Variants in DGKI observed in about 807,000 individuals in gnomAD.
The protein encoded by DGKI is diacylglycerol kinase iota.
DGKI carries 55 observed loss-of-function variants against 147.5 expected under a neutral mutation model. That is an observed-to-expected ratio of 0.37 (90% CI 0.30 to 0.47). The LOEUF (loss-of-function observed/expected upper bound fraction) is 0.47, where lower values mean the gene tolerates loss of function less well. Among genes scored for constraint, DGKI ranks in the 20% least tolerant of loss-of-function variants. The probability of loss-of-function intolerance (pLI) is 1.00; values close to 1 mark genes in which losing one functional copy is unlikely to be tolerated. For missense variants in DGKI, 1,007 were observed against 1,323.8 expected, an observed-to-expected ratio of 0.76 and a Z score of 3.71; for synonymous variants, 469 against 477.1, an observed-to-expected ratio of 0.98 and a Z score of 0.22.
intron 20 of DGKI, among the ~76,000 whole-genome samples, chr7:137,532,926 T>G (rs1817390308): frequency 6.6e-6 from 1 of 152,156 alleles, no homozygotes; most frequent in Admixed American, 6.6e-5. Flanking sequence ...TAACAATTAT[T>G]CATCAACAAA....
At chr7:137,585,617 C>G (rs957785048) in intron 13 of DGKI, among the ~76,000 whole-genome samples, 25 of 152,268 alleles carry the variant, frequency 1.6e-4, no homozygotes, top group African/African-American at 5.5e-4. Context: ...AAGGGTCATA[C>G]TGGAGGCTGG....
rs1811197005 is a variant in DGKI, at chr7:137,387,073, A to AC, written c.*4146dup. 6.6e-6 allele frequency: 1 copy of AC among 152,008 alleles called. No individual in the cohort carries two copies. Among genetic ancestry groups the AC allele is most frequent in the African/African-American group, 2.4e-5 (1 of 41,370 alleles). The allele number at this position is 152,008 out of a possible 1,614,324, so 9.4% of individuals were successfully genotyped here. On this transcript the variant is annotated 3_prime_UTR_variant, in exon 33 of 33. Transcript: ENST00000614521. Reference sequence around the variant, plus strand: ...TCTGGAAGGAAGACAAGCTGCTCAGACCCCCATACTACACTGAAGTTACAC... The same window carrying AC: ...TCTGGAAGGAAGACAAGCTGCTCAGACCCCCCATACTACACTGAAGTTACAC...
At chr7:137,482,954 C>T (rs940516587) in intron 23 of DGKI, among the ~76,000 whole-genome samples, 2 of 152,068 alleles carry the variant, frequency 1.3e-5, no homozygotes, top group African/African-American at 4.8e-5. Flanking sequence ...CCTAGATGTT[C>T]AGCACACAAA....
chr7:137,559,096 G>T (rs1818325904), intron 19 of DGKI, among the ~76,000 whole-genome samples: 1 of 108,568 alleles, frequency 9.2e-6, no homozygotes, highest in African/African-American at 4.4e-5. Flanking sequence ...TTTTGAGACG[G>T]AGTCTCGCTC....
chr7:137,791,003 C>G (rs899199624), intron 1 of DGKI, among the ~76,000 whole-genome samples: 1 of 152,108 alleles, frequency 6.6e-6, no homozygotes, highest in African/African-American at 2.4e-5. Context: ...TGAAAAACTG[C>G]TGTAGAAGGA....
chr7:137,682,112 G>C (rs1225602379), intron 2 of DGKI, among the ~76,000 whole-genome samples: 1 of 152,168 alleles, frequency 6.6e-6, no homozygotes, highest in Non-Finnish European at 1.5e-5. Context: ...GGAGTTCTAT[G>C]AGTGTTTCTA....
intron 1 of DGKI, among the ~76,000 whole-genome samples, chr7:137,731,495 T>C (rs1794882489): frequency 6.6e-6 from 1 of 152,086 alleles, no homozygotes; most frequent in South Asian, 2.1e-4. Flanking sequence ...TACGGCATCA[T>C]CGTCATCTTC....
intron 6 of DGKI, among the ~76,000 whole-genome samples, chr7:137,643,605 T>C (rs1483525964): frequency 6.6e-6 from 1 of 152,186 alleles, no homozygotes; most frequent in Non-Finnish European, 1.5e-5. Context: ...TGTGACAAGC[T>C]GGATCACTGA....
chr7:137,844,832 G>A (rs6978230), intron 1 of DGKI, among the ~76,000 whole-genome samples: 36,652 of 152,140 alleles, frequency 0.24, 10,894 homozygotes, highest in African/African-American at 0.71. Flanking sequence ...TTCCTACCCA[G>A]TGAGGACTCT....
intron 27 of DGKI, among the ~76,000 whole-genome samples, chr7:137,459,598 C>T (rs970149864): frequency 6.6e-6 from 1 of 151,498 alleles, no homozygotes; most frequent in Non-Finnish European, 1.5e-5. Flanking sequence ...CCTCAGCCTC[C>T]CGAGTAGCTG....
intron 27 of DGKI, among the ~76,000 whole-genome samples, chr7:137,450,316 T>C (rs557732353): frequency 2.6e-5 from 4 of 152,366 alleles, no homozygotes; most frequent in Admixed American, 2.6e-4. Context: ...TAACTATGCA[T>C]GGTAATGCAT....
chr7:137,525,995 C>G (rs1408992007), intron 20 of DGKI, among the ~76,000 whole-genome samples: 1 of 151,180 alleles, frequency 6.6e-6, no homozygotes, highest in African/African-American at 2.4e-5. Flanking sequence ...AAACAGACAG[C>G]TAGAACATGG....
chr7:137,741,000 G>A (rs753315041), intron 1 of DGKI, among the ~76,000 whole-genome samples: 1 of 152,048 alleles, frequency 6.6e-6, no homozygotes, highest in African/African-American at 2.4e-5. Flanking sequence ...TAAAAAGGGT[G>A]GCTAAGTCTT....
intron 27 of DGKI, among the ~76,000 whole-genome samples, chr7:137,451,286 T>A (rs951410157): frequency 6.6e-6 from 1 of 152,186 alleles, no homozygotes; most frequent in African/African-American, 2.4e-5. Flanking sequence ...AGCTATAATA[T>A]CTTGGAATGA....
chr7:137,661,760 A>T (rs10233877), intron 3 of DGKI, among the ~76,000 whole-genome samples: 3,401 of 152,132 alleles, frequency 0.022, 130 homozygotes, highest in African/African-American at 0.078. Context: ...CATCTTGGAG[A>T]TGGGTAGGAA....
intron 28 of DGKI, among the ~76,000 whole-genome samples, chr7:137,416,769 A>G (rs1731971): frequency 0.94 from 142,689 of 152,230 alleles, 67,541 homozygotes; most frequent in East Asian, 1. Flanking sequence ...GCTCCCAAGC[A>G]TTGTTATTTA....
At chr7:137,430,177 G>A (rs1813003086) in intron 28 of DGKI, among the ~76,000 whole-genome samples, 8 of 145,734 alleles carry the variant, frequency 5.5e-5, no homozygotes, top group Admixed American at 5.0e-4. Context: ...ATGATAGACT[G>A]GGTTAAGAAA....
intron 21 of DGKI, among the ~76,000 whole-genome samples, chr7:137,517,313 AAGAAAGAAAGAAAGAAAGAAAGAAAG>A (rs1585190816): frequency 7.3e-6 from 1 of 137,060 alleles, no homozygotes; most frequent in East Asian, 2.0e-4. Flanking sequence ...GAAAGAAAGA[AAGAAAGAAAGAAAGAAAGAAAGAAAG>A]AGAAAGAAAG....
At chr7:137,507,762 AG>A (rs1816416958) in intron 21 of DGKI, among the ~76,000 whole-genome samples, 1 of 152,160 alleles carries the variant, frequency 6.6e-6, no homozygotes, top group African/African-American at 2.4e-5. Flanking sequence ...TTGGAGGAGG[AG>A]GGGAGTACAT....
Sources: allele counts gnomAD v4.1 joint callset (sites outside exome capture counted in the v4.1 genomes callset), GRCh38; gene constraint gnomAD v4.1.1; transcripts MANE v1.5; gene names NCBI Gene and HGNC (gene_info 2026-07-23, HGNC 2026-07-21).